MED12L: variants seen among roughly 807,000 people sequenced by gnomAD.
MED12L encodes mediator of RNA polymerase II transcription subunit 12-like protein.
MED12L carries 60 observed loss-of-function variants against 281.3 expected under a neutral mutation model. That is an observed-to-expected ratio of 0.21 (90% CI 0.17 to 0.26). The LOEUF is 0.26. Ranked by LOEUF, MED12L falls within the 10% of genes least tolerant of loss-of-function variation. MED12L has a pLI of 1.00. For synonymous variants in MED12L, 974 were observed against 987.2 expected (o/e 0.99, Z 0.25); for missense variants, 2,146 against 2,680.9 (o/e 0.80, Z 4.41).
intron 16 of MED12L, among the ~76,000 whole-genome samples, chr3:151,342,873 A>G (rs1185736986): frequency 6.6e-6 from 1 of 152,154 alleles, no homozygotes; most frequent in Non-Finnish European, 1.5e-5. Context: ...TTACACTGTC[A>G]TGGATTAACT....
At chr3:151,287,896 C>G (rs1309229943) in intron 16 of MED12L, among the ~76,000 whole-genome samples, 2 of 151,760 alleles carry the variant, frequency 1.3e-5, no homozygotes, top group African/African-American at 4.8e-5. Flanking sequence ...TTTTAATAAA[C>G]TTTATAGAAA....
At chr3:151,243,139 C>A (rs1195881488) in intron 16 of MED12L, among the ~76,000 whole-genome samples, 10 of 152,030 alleles carry the variant, frequency 6.6e-5, no homozygotes, top group African/African-American at 2.2e-4. Flanking sequence ...TCTATGTCTG[C>A]TTGGTGTACC....
chr3:151,323,992 C>A (rs1049770084), intron 16 of MED12L, among the ~76,000 whole-genome samples: 3 of 152,130 alleles, frequency 2.0e-5, no homozygotes, highest in African/African-American at 7.2e-5. Flanking sequence ...CCTAGTGGGG[C>A]CTTTGAGGAA....
At chr3:151,198,653 G>A (rs768106372) in intron 16 of MED12L, 6 of 1,614,052 alleles carry the variant, frequency 3.7e-6, no homozygotes, top group Admixed American at 1.7e-5. Flanking sequence ...GAGGGTATAC[G>A]GGATTCGGAC....
rs1049301698 is a variant in MED12L, at chr3:151,434,932, T to G, written c.*2128T>G. On this transcript the variant is annotated 3_prime_UTR_variant, in exon 45 of 45. Transcript: ENST00000687756. ...TTAGGTGAGGAAGTTATGCTACGAC[T>G]CTAATTAATTCCACGATTCTATTGA... The G allele has an allele frequency of 6.6e-6, 1 of 152,224 alleles. No individual in the cohort carries two copies. Among genetic ancestry groups the G allele is most frequent in the Non-Finnish European group, 1.5e-5 (1 of 68,030 alleles). The allele number at this position is 152,224 out of a possible 1,614,324, so 9.4% of individuals were successfully genotyped here. A position where few individuals can be genotyped will look rare whatever the true frequency, so the allele number is the denominator to read the frequency against.
chr3:151,333,278 G>A (rs1466114814), intron 16 of MED12L, among the ~76,000 whole-genome samples: 5 of 152,166 alleles, frequency 3.3e-5, no homozygotes, highest in Admixed American at 2.0e-4. Flanking sequence ...GGGATTGCTG[G>A]GTTGAACGGT....
At chr3:151,428,136 A>T (rs1560154188) in intron 43 of MED12L, among the ~76,000 whole-genome samples, 1 of 152,210 alleles carries the variant, frequency 6.6e-6, no homozygotes, top group Non-Finnish European at 1.5e-5. Flanking sequence ...GTTTCTTAGT[A>T]AACTGCATAT....
intron 16 of MED12L, chr3:151,294,616 C>A (rs764137932): frequency 1.2e-6 from 2 of 1,614,194 alleles, no homozygotes; most frequent in Non-Finnish European, 1.7e-6. Flanking sequence ...AGCAGCTGTT[C>A]ACATAGGTGA....
rs1406956053 is a variant in MED12L at position 151,163,890 on chromosome 3, C to T, written c.1108-3C>T. 1 of 1,608,942 alleles carries T rather than the reference C, an allele frequency of 6.2e-7. No homozygotes were observed. On this transcript the variant is annotated splice_region_variant and splice_polypyrimidine_tract_variant and intron_variant, in intron 8 of 44. Transcript: ENST00000687756. Reference sequence around the variant, plus strand: ...CATCCAACTTTATCTGTTTCATTTCCAGACTGTCACTCTCTGTTGCCCAAG... The same window carrying T: ...CATCCAACTTTATCTGTTTCATTTCTAGACTGTCACTCTCTGTTGCCCAAG...
At chr3:151,364,853 T>C (rs1337171735) in intron 21 of MED12L, 126 bp from the exon 22 acceptor site, 69 of 680,356 alleles carry the variant, frequency 1.0e-4, no homozygotes, top group Non-Finnish European at 1.0e-5. Flanking sequence ...AATTAAGAAC[T>C]CATAATGTGA....
chr3:151,258,570 G>A lies in MED12L; in HGVS notation c.2250+64904G>A, dbSNP rs1468319678. 2.0e-5 allele frequency among the ~76,000 whole-genome samples: 3 copies of A among 152,050 alleles called. No homozygotes were observed. The East Asian group carries it at 5.8e-4, about 29-fold the overall frequency. On this transcript the variant is annotated intron_variant, in intron 16 of 44. Coordinates refer to ENST00000687756, the MANE Select transcript of MED12L (RefSeq NM_001393769.1). ...CTCTAGGGCTGTGGTGCATCCTGAG[G>A]AACTTGAGGATTTTCCTTTTCTACC... is the stretch of plus-strand genomic sequence containing the variant.
At chr3:151,123,061 A>G in intron 4 of MED12L, 87 bp downstream of exon 4, 2 of 1,178,206 alleles carry the variant, frequency 1.7e-6, no homozygotes, top group Admixed American at 2.8e-5. Context: ...GTTTTTCCCA[A>G]TTCTTTTTGA....
At chr3:151,381,228 G>T (rs144139983) in intron 32 of MED12L, among the ~76,000 whole-genome samples, 317 of 152,156 alleles carry the variant, frequency 2.1e-3, no homozygotes, top group South Asian at 7.9e-3. Context: ...TCTTTCCCTC[G>T]AATGGTACTA....
intron 16 of MED12L, among the ~76,000 whole-genome samples, chr3:151,317,435 A>ATTTTTTT (rs1748411128): frequency 5.5e-5 from 3 of 54,548 alleles, no homozygotes; most frequent in African/African-American, 6.4e-5. Context: ...TAATCATATC[A>ATTTTTTT]CTTTTTTTTT....
intron 5 of MED12L, among the ~76,000 whole-genome samples, chr3:151,150,129 A>G (rs1576832449): frequency 6.6e-6 from 1 of 152,210 alleles, no homozygotes; most frequent in African/African-American, 2.4e-5. Context: ...TTTTCAGTTT[A>G]CTGTGCCCAG....
At chr3:151,301,023 T>A (rs531281531) in intron 16 of MED12L, among the ~76,000 whole-genome samples, 14 of 152,226 alleles carry the variant, frequency 9.2e-5, no homozygotes, top group Non-Finnish European at 1.9e-4. Flanking sequence ...TTTGAGAGTT[T>A]AGACAGTCTA....
In MED12L at chr3:151,326,996, G is replaced by A. The variant is rs1318596711; in HGVS notation, c.2251-23063G>A. ...CAGCAATTACGTCTTTGTATGTATC[G>A]AGAATAGCAATTCTATTTAAAACAT... On this transcript the variant is annotated intron_variant, in intron 16 of 44. Transcript: ENST00000687756. 5 of 152,262 alleles carry A rather than the reference G, an allele frequency of 3.3e-5. No individual in the cohort carries two copies. The South Asian group carries it at 8.3e-4, about 25-fold the overall frequency. 9.4% of individuals were successfully genotyped at this position (152,262 alleles called of 1,614,324 possible). A position where few individuals can be genotyped will look rare whatever the true frequency, so the allele number is the denominator to read the frequency against.
intron 11 of MED12L, among the ~76,000 whole-genome samples, chr3:151,176,295 T>C (rs1195879941): frequency 6.6e-6 from 1 of 152,200 alleles, no homozygotes; most frequent in East Asian, 1.9e-4. Flanking sequence ...AACAAACATA[T>C]ATACCAGCAG....
intron 43 of MED12L, among the ~76,000 whole-genome samples, chr3:151,421,199 T>C (rs1718207804): frequency 6.6e-6 from 1 of 152,002 alleles, no homozygotes; most frequent in Non-Finnish European, 1.5e-5. Flanking sequence ...AGAGGCTGAG[T>C]GGTGTCCACA....
Sources: gnomAD v4.1 joint callset for allele counts (sites outside exome capture counted in the v4.1 genomes callset) on GRCh38, gnomAD v4.1.1 for gene constraint, MANE v1.5 for transcripts, NCBI Gene and HGNC (gene_info 2026-07-23, HGNC 2026-07-21) for gene names.